The following NFAT5 variants were observed in gnomAD, a reference collection of about 807,000 sequenced individuals.
NFAT5 encodes the protein nuclear factor of activated T cells 5.
A neutral mutation model predicts 166.5 loss-of-function variants in NFAT5; 31 were observed. The observed-to-expected ratio is 0.19, with a 90% CI of 0.14 to 0.25. The LOEUF (loss-of-function observed/expected upper bound fraction) is 0.25, where lower values mean the gene tolerates loss of function less well. Among genes scored for constraint, NFAT5 ranks in the 10% least tolerant of loss-of-function variants. The probability of loss-of-function intolerance (pLI) is 1.00; values close to 1 mark genes in which losing one functional copy is unlikely to be tolerated. For missense variants in NFAT5, 1,449 were observed against 1,821.8 expected (o/e 0.80, Z 3.72); for synonymous variants, 612 against 639.7 (o/e 0.96, Z 0.65).
chr16:69,605,465 G>A (rs2033356566), intron 2 of NFAT5, among the ~76,000 whole-genome samples: 1 of 152,182 alleles, frequency 6.6e-6, no homozygotes, highest in Non-Finnish European at 1.5e-5. Flanking sequence ...GTAGTATACA[G>A]TAAAGAGTAC....
Position 69,702,835 on chromosome 16 carries a change from T to C in NFAT5, c.*6484T>C, listed in dbSNP as rs1411152229. The C allele has an allele frequency of 6.5e-6, 1 of 152,676 alleles. No individual in the cohort carries two copies. Among genetic ancestry groups the C allele is most frequent in the African/African-American group, 2.4e-5 (1 of 41,468 alleles). The allele number at this position is 152,676 out of a possible 1,614,324, so 9.5% of individuals were successfully genotyped here. On this transcript the variant is annotated 3_prime_UTR_variant, in exon 15 of 15. Coordinates refer to ENST00000349945, the MANE Select transcript of NFAT5 (RefSeq NM_138713.4). ...TCTATAATCTTTTATTGGCAAAAGTTAATTCTCAGTACTGCCTATAGAGAT... is the reference window on the plus strand; with the variant it reads ...TCTATAATCTTTTATTGGCAAAAGTCAATTCTCAGTACTGCCTATAGAGAT...
At chr16:69,635,023 G>GTTTTTTTTTTTTTT (rs530661389) in intron 3 of NFAT5, among the ~76,000 whole-genome samples, 1 of 105,268 alleles carries the variant, frequency 9.5e-6, no homozygotes. Flanking sequence ...TGTTAGTAAA[G>GTTTTTTTTTTTTTT]TTTTTTTTTT....
chr16:69,566,049 C>CG lies in NFAT5; in HGVS notation c.-253_-252insG, dbSNP rs936778198. ...CACGAAACGGACCCTTTGGCTCTCC[C>CG]CCTTCCCCTTCCCCGTCCTGAACCC... On this transcript the variant is annotated 5_prime_UTR_variant, in exon 1 of 15. Transcript: ENST00000349945. This position sits in a 1 kb window ranked among gnomAD's most constrained non-coding sequence, Gnocchi z 5.7. The CG allele has an allele frequency of 7.7e-6, 4 of 516,780 alleles. No individual in the cohort carries two copies. Among genetic ancestry groups the CG allele is most frequent in the South Asian group, 7.0e-5 (3 of 43,140 alleles). 32.0% of individuals were successfully genotyped at this position (516,780 alleles called of 1,614,324 possible). A position where few individuals can be genotyped will look rare whatever the true frequency, so the allele number is the denominator to read the frequency against.
chr16:69,635,102 C>G (rs760932893), intron 3 of NFAT5, among the ~76,000 whole-genome samples: 37 of 147,592 alleles, frequency 2.5e-4, no homozygotes, highest in Non-Finnish European at 5.2e-4. Flanking sequence ...CCTCCACCTC[C>G]TGGGTTCAAG....
At chr16:69,578,678 C>T (rs2031461450) in intron 2 of NFAT5, among the ~76,000 whole-genome samples, 1 of 151,804 alleles carries the variant, frequency 6.6e-6, no homozygotes, top group African/African-American at 2.4e-5. Context: ...TTTTTCTTTT[C>T]TCCAGTTTAT....
intron 10 of NFAT5, among the ~76,000 whole-genome samples, chr16:69,678,286 C>G (rs1487753879): frequency 2.0e-5 from 3 of 151,504 alleles, no homozygotes; most frequent in Non-Finnish European, 2.9e-5. Context: ...GCGATCTTGG[C>G]TCACTGCAAC....
At chr16:69,604,098 A>G (rs2033276571) in intron 2 of NFAT5, among the ~76,000 whole-genome samples, 2 of 152,238 alleles carry the variant, frequency 1.3e-5, no homozygotes, top group South Asian at 2.1e-4. Context: ...CATTACTCCT[A>G]TTTTACAGAG....
chr16:69,653,861 G>T (rs1424188624), intron 5 of NFAT5, among the ~76,000 whole-genome samples: 1 of 152,120 alleles, frequency 6.6e-6, no homozygotes, highest in Non-Finnish European at 1.5e-5. Context: ...GAGAAATACA[G>T]TAGAAATTAT....
Position 69,700,718 on chromosome 16 carries a change from A to G in NFAT5, c.*4367A>G, listed in dbSNP as rs915951462. ...TATCTGCATGCCTTAGACTGTGTGGAGGGACTCCATGAAGAAAGACCATAG... is the reference window on the plus strand; with the variant it reads ...TATCTGCATGCCTTAGACTGTGTGGGGGGACTCCATGAAGAAAGACCATAG... On this transcript the variant is annotated 3_prime_UTR_variant, in exon 15 of 15. Transcript: ENST00000349945. 8 of 152,138 alleles carry G rather than the reference A, an allele frequency of 5.3e-5. No individual in the cohort carries two copies. The highest frequency in any genetic ancestry group is 1.9e-4 in the African/African-American group (8 of 41,426). 9.4% of individuals were successfully genotyped at this position (152,138 alleles called of 1,614,324 possible).
chr16:69,663,760 C>G (rs1337895284), intron 7 of NFAT5, among the ~76,000 whole-genome samples: 1 of 151,836 alleles, frequency 6.6e-6, no homozygotes, highest in Non-Finnish European at 1.5e-5. Flanking sequence ...CCCTGTAGAC[C>G]CAGCTACTTG....
At chr16:69,583,593 T>C (rs1263930594) in intron 2 of NFAT5, among the ~76,000 whole-genome samples, 1 of 152,164 alleles carries the variant, frequency 6.6e-6, no homozygotes, top group African/African-American at 2.4e-5. Flanking sequence ...TGTAAAATAT[T>C]AGAATCAGTC....
chr16:69,692,693 G>C lies in NFAT5; in HGVS notation c.2868G>C (p.Met956Ile). ...QSPVYQQTSH[M>I]MSALSTNEDM... is the part of the protein sequence containing the mutation. ...CAGTTTACCAGCAGACTTCTCACATGATGAGTGCATTGTCTACCAATGAGG... is the reference window on the plus strand; with the variant it reads ...CAGTTTACCAGCAGACTTCTCACATCATGAGTGCATTGTCTACCAATGAGG... Residue 956 changes from methionine (M) to isoleucine (I), a missense_variant, in exon 13 of 15, where the codon ATG becomes ATC. Met to Ile is a conservative substitution (Grantham distance 10). Transcript: ENST00000349945. 1 of 1,614,234 alleles carries C rather than the reference G, an allele frequency of 6.2e-7. No individual in the cohort carries two copies. The highest frequency in any genetic ancestry group is 8.5e-7 in the Non-Finnish European group (1 of 1,180,048).
intron 11 of NFAT5, among the ~76,000 whole-genome samples, chr16:69,686,571 A>C (rs1365045197): frequency 6.6e-6 from 1 of 152,088 alleles, no homozygotes; most frequent in Non-Finnish European, 1.5e-5. Flanking sequence ...TTTGATAAAA[A>C]ATTTAAATCA....
At chr16:69,661,342 T>C (rs1286450288) in intron 7 of NFAT5, among the ~76,000 whole-genome samples, 1 of 149,408 alleles carries the variant, frequency 6.7e-6, no homozygotes, top group African/African-American at 2.5e-5. Flanking sequence ...TGGAAGTGTA[T>C]TGAACAACAT....
At position 69,702,201 on chromosome 16, in the gene NFAT5, T is replaced by C. The variant is rs1373689398; in HGVS notation, c.*5850T>C. ...TTCCAAAGAAGCCAAGAATGCTGTA[T>C]AGTGATGATTCCTTCCTAATGAATT... On this transcript the variant is annotated 3_prime_UTR_variant, in exon 15 of 15. Coordinates refer to ENST00000349945, the MANE Select transcript of NFAT5 (RefSeq NM_138713.4). 5 of 152,700 alleles carry C rather than the reference T, an allele frequency of 3.3e-5. No individual in the cohort carries two copies. The highest frequency in any genetic ancestry group is 5.9e-5 in the Non-Finnish European group (4 of 68,052). The allele number at this position is 152,700 out of a possible 1,614,324, so 9.5% of individuals were successfully genotyped here. A position where few individuals can be genotyped will look rare whatever the true frequency, so the allele number is the denominator to read the frequency against.
At chr16:69,580,519 G>A (rs894120899) in intron 2 of NFAT5, among the ~76,000 whole-genome samples, 10 of 133,478 alleles carry the variant, frequency 7.5e-5, no homozygotes, top group East Asian at 2.4e-4. Context: ...CGACAAGAGC[G>A]AAACTAAAAA....
Position 69,693,732 on chromosome 16 carries a change from C to G in NFAT5, c.3907C>G (p.Pro1303Ala), listed in dbSNP as rs753032589. ...GGCTACAATGGCGTCTCCAAAGCAA[C>G]CACCACCAAACATGATATTCAACCC... ...TMATMASPKQ[P>A]PPNMIFNPNQ... Residue 1303 changes from proline to alanine, a missense_variant, in exon 13 of 15, where the codon CCA becomes GCA. Physicochemically the swap from Pro to Ala is conservative, Grantham distance 27. Around this residue, in one of 7 missense-constraint regions of NFAT5, gnomAD observed 891 missense variants for 993.0 expected, o/e 0.90. Coordinates refer to ENST00000349945, the MANE Select transcript of NFAT5 (RefSeq NM_138713.4). 4 of 1,614,118 alleles carry G rather than the reference C, an allele frequency of 2.5e-6. No individual in the cohort carries two copies. Among genetic ancestry groups the G allele is most frequent in the Non-Finnish European group, 3.4e-6 (4 of 1,180,046 alleles).
At chr16:69,569,165 GT>G in intron 2 of NFAT5, among the ~76,000 whole-genome samples, 1 of 152,144 alleles carries the variant, frequency 6.6e-6, no homozygotes, top group Middle Eastern at 3.4e-3. Flanking sequence ...GTGTGTGTGT[GT>G]TTTAACATTT....
intron 2 of NFAT5, among the ~76,000 whole-genome samples, chr16:69,611,392 A>G (rs994516381): frequency 3.3e-5 from 5 of 152,232 alleles, no homozygotes; most frequent in African/African-American, 1.2e-4. Flanking sequence ...AGCTTATTTT[A>G]CTGGTAACAA....
Sources: gnomAD v4.1 joint callset for allele counts (sites outside exome capture counted in the v4.1 genomes callset) on GRCh38, gnomAD v4.1.1 for gene constraint, gnomAD v4.1.1 regional missense constraint, Gnocchi (gnomAD v3.1) non-coding constraint, MANE v1.5 for transcripts, NCBI Gene and HGNC (gene_info 2026-07-23, HGNC 2026-07-21) for gene names.